Variants in ERG observed in about 807,000 individuals in gnomAD.
ERG encodes ETS transcription factor ERG.
A neutral mutation model predicts 55.3 loss-of-function variants in ERG; 9 were observed. The observed-to-expected ratio is 0.16, with a 90% CI of 0.10 to 0.28. The LOEUF is 0.28. Ranked by LOEUF, ERG falls within the 10% of genes least tolerant of loss-of-function variation. ERG has a pLI of 1.00. For synonymous variants in ERG, 223 were observed against 237.3 expected (o/e 0.94, Z 0.55); for missense variants, 434 against 631.6 (o/e 0.69, Z 3.35).
At chr21:38,390,574 A>C (rs1244742958) in intron 9 of ERG, among the ~76,000 whole-genome samples, 2 of 152,186 alleles carry the variant, frequency 1.3e-5, no homozygotes, top group East Asian at 3.9e-4. Context: ...GATGATGATG[A>C]GAAGAGACAC....
intron 3 of ERG, among the ~76,000 whole-genome samples, chr21:38,418,233 A>C (rs567447798): frequency 4.0e-5 from 6 of 151,554 alleles, no homozygotes; most frequent in African/African-American, 1.2e-4. Context: ...AATAATGTAA[A>C]ATTTCCAACC....
At chr21:38,585,532 CTT>C (rs760791568), upstream of ERG, among the ~76,000 whole-genome samples, 67 of 59,278 alleles carry the variant, frequency 1.1e-3, no homozygotes, top group South Asian at 1.7e-3. Context: ...TCTCTCTCTT[CTT>C]TTTTTTTTTT....
Position 38,540,637 on chromosome 21 carries a change from G to A in ERG, c.-41+35025C>T, listed in dbSNP as rs115040471. Among the ~76,000 whole-genome samples the A allele has an allele frequency of 4.1e-3, 624 of 152,202 alleles. 5 individuals are homozygous for A. The highest frequency in any genetic ancestry group is 0.014 in the African/African-American group (566 of 41,516). On this transcript the variant is annotated intron_variant, in intron 2 of 8. Transcript: ENST00000398897. ...GAGGGTTACACTCAGGCATAGGCCC[G>A]ATCACTCATCATATATTGACAGATG... is the stretch of plus-strand genomic sequence containing the variant.
intron 1 of ERG, among the ~76,000 whole-genome samples, chr21:38,656,031 CA>C (rs1363667469): frequency 6.6e-6 from 1 of 152,038 alleles, no homozygotes; most frequent in Non-Finnish European, 1.5e-5. Flanking sequence ...CGCCCCCCGC[CA>C]ACCCACACGT....
intron 1 of ERG, among the ~76,000 whole-genome samples, chr21:38,605,926 G>A (rs1244236175): frequency 2.7e-5 from 4 of 146,736 alleles, no homozygotes; most frequent in African/African-American, 1.1e-4. Context: ...TAGGAGATAG[G>A]TACGTAGGTA....
intron 1 of ERG, among the ~76,000 whole-genome samples, chr21:38,647,317 C>G (rs2060463186): frequency 6.6e-6 from 1 of 152,154 alleles, no homozygotes; most frequent in African/African-American, 2.4e-5. Context: ...GTCTTTTTTC[C>G]TAAACAGAAT....
At chr21:38,524,743 AAAAG>A (rs940844266) in intron 2 of ERG, among the ~76,000 whole-genome samples, 33 of 152,240 alleles carry the variant, frequency 2.2e-4, no homozygotes, top group African/African-American at 7.7e-4. Context: ...ACTGTTTAAA[AAAAG>A]AAAGAAAGAA....
At chr21:38,587,354 G>T (rs2060072085), upstream of ERG, among the ~76,000 whole-genome samples, 1 of 138,080 alleles carries the variant, frequency 7.2e-6, no homozygotes, top group South Asian at 2.3e-4. Flanking sequence ...GCAAAGCTGT[G>T]CAAATCTTTT....
rs542111325 is a variant in ERG, at chr21:38,547,192, A to T, written c.-41+28470T>A. On this transcript the variant is annotated intron_variant, in intron 2 of 8. Coordinates refer to the ERG transcript ENST00000398897. ...TAAAGTGCTACATGAAAAGTCATGGATTTTTTTTCTAACTTGTTGATCTCA... is the reference window on the plus strand; with the variant it reads ...TAAAGTGCTACATGAAAAGTCATGGTTTTTTTTTCTAACTTGTTGATCTCA... 3.3e-5 allele frequency among the ~76,000 whole-genome samples: 5 copies of T among 152,142 alleles called. No homozygotes were observed. In the East Asian group the frequency reaches 9.7e-4, roughly 29 times the overall value.
intron 2 of ERG, among the ~76,000 whole-genome samples, chr21:38,530,574 G>T (rs2059665261): frequency 6.6e-6 from 1 of 152,200 alleles, no homozygotes; most frequent in Admixed American, 6.5e-5. Context: ...TTCTGCACAG[G>T]AGAGTCCTCA....
the ERG span, among the ~76,000 whole-genome samples, chr21:38,374,079 A>G: frequency 1.3e-5 from 2 of 152,212 alleles, no homozygotes; most frequent in Non-Finnish European, 2.9e-5. Context: ...ACTTGAAAAA[A>G]AGTCTTAGGG....
chr21:38,379,898 C>T (rs1413450376), downstream of ERG: 1 of 391,402 alleles, frequency 2.6e-6, no homozygotes, highest in Non-Finnish European at 3.5e-6. Flanking sequence ...TGGGTACTCT[C>T]ATGTTGCCCA....
rs148336497 is a variant in ERG at position 38,469,989 on chromosome 21, C to T, written c.19-24368G>A. On this transcript the variant is annotated intron_variant, in intron 1 of 9. Coordinates refer to ENST00000288319, the MANE Select transcript of ERG (RefSeq NM_182918.4). The stretch of plus-strand genomic sequence containing the variant: ...TGCAGTTTGTATATGCAGCTATGTA[C>T]TCCTATGGTTTATGCATCTACCTCA... Among the ~76,000 whole-genome samples the T allele has an allele frequency of 1.8e-3, 273 of 152,290 alleles. 2 individuals carry two copies. The highest frequency in any genetic ancestry group is 2.6e-3 in the Non-Finnish European group (179 of 68,024).
chr21:38,394,192 T>C (rs908906961), intron 6 of ERG, among the ~76,000 whole-genome samples: 6 of 151,898 alleles, frequency 4.0e-5, no homozygotes, highest in Non-Finnish European at 5.9e-5. Flanking sequence ...ATTTACCAAA[T>C]GAAAAAAAGC....
At chr21:38,419,886 GC>G (rs1188171089) in intron 3 of ERG, among the ~76,000 whole-genome samples, 1 of 152,066 alleles carries the variant, frequency 6.6e-6, no homozygotes, top group Non-Finnish European at 1.5e-5. Flanking sequence ...CACGGACAAA[GC>G]CCCCCAGCTC....
At chr21:38,647,644 T>C (rs533452509) in intron 1 of ERG, among the ~76,000 whole-genome samples, 2 of 152,250 alleles carry the variant, frequency 1.3e-5, no homozygotes, top group Non-Finnish European at 2.9e-5. Context: ...GTAACTACAT[T>C]ACAAAATGTC....
chr21:38,368,664 T>C, the ERG span, among the ~76,000 whole-genome samples: 7 of 152,160 alleles, frequency 4.6e-5, no homozygotes, highest in African/African-American at 7.2e-5. Flanking sequence ...GTTTATTACA[T>C]AGATAAACTT....
intron 1 of ERG, among the ~76,000 whole-genome samples, chr21:38,578,764 C>A (rs1220767620): frequency 6.6e-6 from 1 of 152,162 alleles, no homozygotes; most frequent in East Asian, 1.9e-4. Context: ...GAATGGCCAA[C>A]CCACAGGCTC....
chr21:38,585,175 C>G (rs954114339), upstream of ERG, among the ~76,000 whole-genome samples: 1 of 152,168 alleles, frequency 6.6e-6, no homozygotes, highest in African/African-American at 2.4e-5. Context: ...CAAGGCCAAG[C>G]CTAACTGGCA....
Sources: gnomAD v4.1 joint callset for allele counts (sites outside exome capture counted in the v4.1 genomes callset) on GRCh38, gnomAD v4.1.1 for gene constraint, MANE v1.5 for transcripts, NCBI Gene and HGNC (gene_info 2026-07-23, HGNC 2026-07-21) for gene names.